ARHGAP26: variants seen among roughly 807,000 people sequenced by gnomAD.
The protein encoded by ARHGAP26 is rho GTPase-activating protein 26.
In ARHGAP26, 38 loss-of-function variants were observed where a neutral mutation model predicts 104.8. The ratio of observed to expected loss-of-function variants is 0.36; its 90% CI spans 0.28 to 0.48. The LOEUF (loss-of-function observed/expected upper bound fraction) is 0.48. Among genes scored for constraint, ARHGAP26 ranks in the 20% least tolerant of loss-of-function variants. The pLI, the probability that ARHGAP26 is intolerant of heterozygous loss-of-function variation, is 0.99. For synonymous variants in ARHGAP26, 341 were observed against 340.0 expected (o/e 1.00, Z -0.03); for missense variants, 704 against 947.9 (o/e 0.74, Z 3.38).
rs1003566698 is a variant in ARHGAP26 at position 142,910,069 on chromosome 5, G to A, written c.933+2265G>A. On this transcript the variant is annotated intron_variant, in intron 9 of 22. Transcript: ENST00000645722. ...TTTGGAACAAATCCTGACACATAAT[G>A]GGTGCTATATTAGGACCTTGATATT... Among the ~76,000 whole-genome samples the A allele has an allele frequency of 5.3e-5, 8 of 152,252 alleles. No individual in the cohort carries two copies. The East Asian group carries it at 9.6e-4, about 18-fold the overall frequency.
intron 21 of ARHGAP26, among the ~76,000 whole-genome samples, chr5:143,211,793 T>TCAAG (rs962037193): frequency 6.6e-6 from 1 of 152,082 alleles, no homozygotes; most frequent in Non-Finnish European, 1.5e-5. Flanking sequence ...ATTCCTGGGC[T>TCAAG]CAAGCAATCC....
intron 11 of ARHGAP26, among the ~76,000 whole-genome samples, chr5:142,957,016 A>G (rs1376977204): frequency 2.0e-5 from 3 of 152,246 alleles, no homozygotes; most frequent in Non-Finnish European, 4.4e-5. Flanking sequence ...GGGTGGAGAT[A>G]CAGCCAAACC....
chr5:143,225,674 G>A lies in ARHGAP26; in HGVS notation c.*3228G>A, dbSNP rs1207141052. On this transcript the variant is annotated 3_prime_UTR_variant, in exon 23 of 23. Transcript: ENST00000645722. The stretch of plus-strand genomic sequence containing the variant: ...TGAGTTGGCTCTGATTTGAAATCGG[G>A]AGAAACAGAGCTGCTGCCAATGGGA... The A allele has an allele frequency of 8.9e-6, 2 of 224,066 alleles. No homozygotes were observed. Among genetic ancestry groups the A allele is most frequent in the Non-Finnish European group, 1.8e-5 (2 of 112,200 alleles). The allele number at this position is 224,066 out of a possible 1,614,324, so 13.9% of individuals were successfully genotyped here. A position where few individuals can be genotyped will look rare whatever the true frequency, so the allele number is the denominator to read the frequency against.
intron 20 of ARHGAP26, among the ~76,000 whole-genome samples, chr5:143,171,192 C>T (rs1162872378): frequency 6.6e-6 from 1 of 152,148 alleles, no homozygotes; most frequent in Non-Finnish European, 1.5e-5. Flanking sequence ...GTTATCTAAT[C>T]TTAGAACCCA....
intron 10 of ARHGAP26, among the ~76,000 whole-genome samples, chr5:142,924,083 CG>C: frequency 6.6e-6 from 1 of 151,928 alleles, no homozygotes; most frequent in South Asian, 2.1e-4. Context: ...AGGATGGTCT[CG>C]ATCTCCTGAC....
At chr5:142,867,688 GT>G (rs963542758) in intron 1 of ARHGAP26, among the ~76,000 whole-genome samples, 7 of 152,128 alleles carry the variant, frequency 4.6e-5, no homozygotes, top group Admixed American at 4.6e-4. Context: ...TATAGGTGAG[GT>G]TTTATTTTAT....
At chr5:143,168,874 G>T (rs1802403071) in intron 20 of ARHGAP26, 1 of 152,182 alleles carries the variant, frequency 6.6e-6, no homozygotes, top group Non-Finnish European at 1.5e-5. Context: ...ACACAGAGTT[G>T]TTTTGTTTAG....
chr5:142,842,910 C>T (rs77321512), intron 1 of ARHGAP26, among the ~76,000 whole-genome samples: 9 of 152,240 alleles, frequency 5.9e-5, no homozygotes, highest in Non-Finnish European at 7.4e-5. Flanking sequence ...GTGGGACAAA[C>T]TCATGAAAAT....
intron 11 of ARHGAP26, among the ~76,000 whole-genome samples, chr5:142,962,937 A>G (rs527446081): frequency 3.3e-5 from 5 of 151,350 alleles, no homozygotes; most frequent in African/African-American, 4.9e-5. Context: ...TTTTTTTCCA[A>G]TCTTCTCCCT....
intron 1 of ARHGAP26, among the ~76,000 whole-genome samples, chr5:142,836,785 A>G (rs1282208333): frequency 1.3e-5 from 2 of 152,236 alleles, no homozygotes; most frequent in East Asian, 3.8e-4. Flanking sequence ...CAGATACCAT[A>G]CTAGGCATTT....
intron 20 of ARHGAP26, among the ~76,000 whole-genome samples, chr5:143,178,945 C>T (rs1803900809): frequency 6.6e-6 from 1 of 151,988 alleles, no homozygotes. Context: ...TCTGGGCTCA[C>T]TGCAACTTCC....
intron 20 of ARHGAP26, among the ~76,000 whole-genome samples, chr5:143,149,228 T>C (rs934587594): frequency 2.6e-5 from 4 of 152,154 alleles, no homozygotes; most frequent in Non-Finnish European, 4.4e-5. Context: ...GGAACGGTTC[T>C]AATTGTCTCT....
chr5:143,075,227 T>C (rs1405223822), intron 17 of ARHGAP26, among the ~76,000 whole-genome samples: 1 of 152,072 alleles, frequency 6.6e-6, no homozygotes, highest in African/African-American at 2.4e-5. Context: ...AAAATATTCC[T>C]CTATTATAGG....
In ARHGAP26 at chr5:143,054,526, G is replaced by A. The variant is rs865996352; in HGVS notation, c.1373G>A (p.Arg458Lys). 17 of 1,604,400 alleles carry A rather than the reference G, an allele frequency of 1.1e-5. No individual in the cohort carries two copies. Among genetic ancestry groups the A allele is most frequent in the Non-Finnish European group, 1.4e-5 (17 of 1,174,384 alleles). The change falls in exon 15 of 23, where the codon AGA becomes AAA. Residue 458 changes from arginine (R) to lysine (K), a missense_variant and splice_region_variant. Around this residue, in one of 6 missense-constraint regions of ARHGAP26, gnomAD observed 287 missense variants for 438.8 expected, o/e 0.65. Coordinates refer to ENST00000645722, the MANE Select transcript of ARHGAP26 (RefSeq NM_001135608.3). ...TITSALKTYL[R>K]MLPGPLMMYQ... ...ACTAGTGCTCTGAAGACCTACCTAA[G>A]GTAGGGACTTTCCATTTGCAAGGCA...
At chr5:143,022,934 T>C (rs1780547625) in intron 12 of ARHGAP26, among the ~76,000 whole-genome samples, 1 of 152,210 alleles carries the variant, frequency 6.6e-6, no homozygotes, top group Non-Finnish European at 1.5e-5. Flanking sequence ...ATCATCAGAC[T>C]CCAACATCTA....
At chr5:142,772,718 G>A (rs1449658109) in intron 1 of ARHGAP26, 2 of 532,036 alleles carry the variant, frequency 3.8e-6, no homozygotes, top group African/African-American at 3.9e-5. Flanking sequence ...CCTGGTTTGA[G>A]CCAGAGATGG....
At chr5:142,964,596 AC>A (rs1199672552) in intron 11 of ARHGAP26, among the ~76,000 whole-genome samples, 5 of 149,268 alleles carry the variant, frequency 3.3e-5, no homozygotes, top group African/African-American at 1.2e-4. Flanking sequence ...AGCAAAAAAA[AC>A]CGATGTTAAG....
chr5:143,012,572 T>TATAC (rs1779019946), intron 11 of ARHGAP26, among the ~76,000 whole-genome samples: 1 of 89,238 alleles, frequency 1.1e-5, no homozygotes, highest in African/African-American at 3.3e-5. Context: ...TATATATATA[T>TATAC]ATATTATGAT....
chr5:143,138,037 C>T (rs1253411402), intron 19 of ARHGAP26, among the ~76,000 whole-genome samples: 1 of 152,192 alleles, frequency 6.6e-6, no homozygotes, highest in African/African-American at 2.4e-5. Context: ...GTCTTATTTG[C>T]CAGAAGGGGT....
Sources: gnomAD v4.1 joint callset for allele counts (sites outside exome capture counted in the v4.1 genomes callset) on GRCh38, gnomAD v4.1.1 for gene constraint, gnomAD v4.1.1 regional missense constraint, MANE v1.5 for transcripts, NCBI Gene and HGNC (gene_info 2026-07-23, HGNC 2026-07-21) for gene names.